The following EDAR variants were observed in gnomAD, a reference collection of about 807,000 sequenced individuals.
The protein encoded by EDAR is ectodysplasin A receptor, also known as tumor necrosis factor receptor superfamily member EDAR.
A neutral mutation model predicts 51.3 loss-of-function variants in EDAR; 38 were observed. The ratio of observed to expected loss-of-function variants is 0.74; its 90% CI spans 0.57 to 0.97. EDAR has a LOEUF of 0.97. Among genes scored for constraint, EDAR ranks in the 50% least tolerant of loss-of-function variants. The pLI is 0.00. For missense variants in EDAR, 528 were observed against 595.0 expected, an observed-to-expected ratio of 0.89 and a Z score of 1.17; for synonymous variants, 227 against 242.1, an observed-to-expected ratio of 0.94 and a Z score of 0.58.
intron 11 of EDAR, among the ~76,000 whole-genome samples, chr2:108,899,210 A>G (rs1042589731): frequency 6.6e-6 from 1 of 152,258 alleles, no homozygotes; most frequent in Non-Finnish European, 1.5e-5. Flanking sequence ...GAAAAGAATT[A>G]GAATGACAGT....
intron 5 of EDAR, among the ~76,000 whole-genome samples, chr2:108,919,884 C>T (rs904281854): frequency 6.6e-5 from 10 of 152,222 alleles, no homozygotes; most frequent in African/African-American, 2.2e-4. Flanking sequence ...CTGGATCTCT[C>T]CGCCTGGAGC....
chr2:108,959,247 G>A (rs1697989126), intron 1 of EDAR, among the ~76,000 whole-genome samples: 1 of 152,226 alleles, frequency 6.6e-6, no homozygotes, highest in Non-Finnish European at 1.5e-5. Flanking sequence ...TGTGCAGAGG[G>A]GCTGATGATG....
intron 5 of EDAR, among the ~76,000 whole-genome samples, chr2:108,913,979 G>T (rs1696981661): frequency 7.0e-6 from 1 of 143,724 alleles, no homozygotes; most frequent in Non-Finnish European, 1.5e-5. Flanking sequence ...CTAGAAAAGG[G>T]GCCGGGCGCG....
At chr2:108,927,394 A>T (rs1005885942) in intron 4 of EDAR, among the ~76,000 whole-genome samples, 2 of 152,152 alleles carry the variant, frequency 1.3e-5, no homozygotes, top group Admixed American at 6.5e-5. Context: ...CATTCGCCTG[A>T]ATTCTTCTAG....
rs1696558137 is a variant in EDAR at position 108,895,153 on chromosome 2, A to T, written c.*1754T>A. 1 of 152,674 alleles carries T rather than the reference A, an allele frequency of 6.5e-6. No individual in the cohort carries two copies. The highest frequency in any genetic ancestry group is 6.5e-5 in the Admixed American group (1 of 15,294). 9.5% of individuals were successfully genotyped at this position (152,674 alleles called of 1,614,324 possible). ...AGGTTCGAAAAACAGCAGCAAACAG[A>T]CACAGTAAATGATGATATTAAATAT... On this transcript the variant is annotated 3_prime_UTR_variant, in exon 12 of 12. Transcript: ENST00000258443.
chr2:108,931,714 G>T (rs952166796), intron 1 of EDAR, among the ~76,000 whole-genome samples: 1 of 151,682 alleles, frequency 6.6e-6, no homozygotes, highest in Non-Finnish European at 1.5e-5. Flanking sequence ...TGAAGGAGGA[G>T]GTGGGTTTTT....
At chr2:108,936,338 C>T (rs1052198073) in intron 1 of EDAR, among the ~76,000 whole-genome samples, 3 of 152,258 alleles carry the variant, frequency 2.0e-5, no homozygotes, top group African/African-American at 7.2e-5. Flanking sequence ...GGGCTTGCCA[C>T]GCCTGGGTTG....
intron 1 of EDAR, among the ~76,000 whole-genome samples, chr2:108,987,720 C>G (rs753015651): frequency 6.6e-6 from 1 of 152,200 alleles, no homozygotes; most frequent in Non-Finnish European, 1.5e-5. Flanking sequence ...AGACCCCCGG[C>G]CAATCGCCAC....
intron 1 of EDAR, among the ~76,000 whole-genome samples, chr2:108,976,359 T>C (rs926540541): frequency 6.6e-6 from 1 of 152,222 alleles, no homozygotes; most frequent in Admixed American, 6.5e-5. Flanking sequence ...ACAGAGGCAA[T>C]GTGCCATTCT....
At chr2:108,932,136 C>A (rs545691979) in intron 1 of EDAR, among the ~76,000 whole-genome samples, 13 of 152,216 alleles carry the variant, frequency 8.5e-5, no homozygotes, top group African/African-American at 2.9e-4. Context: ...TGCACAGGAA[C>A]CTTCCCTCCC....
intron 5 of EDAR, among the ~76,000 whole-genome samples, chr2:108,916,599 G>T (rs971771558): frequency 6.6e-6 from 1 of 152,154 alleles, no homozygotes; most frequent in Non-Finnish European, 1.5e-5. Context: ...CCAACTAAAC[G>T]GTCCCCAACT....
chr2:108,907,754 A>G, intron 10 of EDAR, 106 bp downstream of exon 10: 2 of 1,359,096 alleles, frequency 1.5e-6, no homozygotes. Flanking sequence ...CTTCTGGGAG[A>G]AACACCCCGT....
intron 5 of EDAR, among the ~76,000 whole-genome samples, chr2:108,921,250 C>T (rs1163620698): frequency 3.9e-5 from 6 of 152,066 alleles, no homozygotes. Context: ...CTGGGGAGAC[C>T]CTGACACTGA....
rs77842644 is a variant in EDAR at position 108,958,383 on chromosome 2, C to A, written c.-18-27351G>T. Among the ~76,000 whole-genome samples the A allele has an allele frequency of 7.2e-3, 935 of 129,814 alleles. 12 individuals are homozygous for A. The highest frequency in any genetic ancestry group is 0.033 in the African/African-American group (905 of 27,720). The allele number at this position is 129,814 out of a possible 152,430, so 85.2% of individuals were successfully genotyped here. A position where few individuals can be genotyped will look rare whatever the true frequency, so the allele number is the denominator to read the frequency against. On this transcript the variant is annotated intron_variant, in intron 1 of 11. Coordinates refer to ENST00000258443, the MANE Select transcript of EDAR (RefSeq NM_022336.4). ...GAATTGCTATCACTTTCATTAATAA[C>A]CATGAAATAGTTATTCCTTCAGCAG...
chr2:108,917,761 C>G (rs1051101313), intron 5 of EDAR, among the ~76,000 whole-genome samples: 1 of 152,074 alleles, frequency 6.6e-6, no homozygotes, highest in East Asian at 1.9e-4. Context: ...GCCACTGTCA[C>G]TACACATATA....
At chr2:108,933,849 A>G (rs1574389003) in intron 1 of EDAR, among the ~76,000 whole-genome samples, 1 of 151,878 alleles carries the variant, frequency 6.6e-6, no homozygotes, top group Admixed American at 6.6e-5. Context: ...CCTGAAGGGG[A>G]ACTGATAGGA....
At chr2:108,980,247 C>T (rs909174078) in intron 1 of EDAR, among the ~76,000 whole-genome samples, 12 of 152,082 alleles carry the variant, frequency 7.9e-5, no homozygotes, top group Non-Finnish European at 1.3e-4. Flanking sequence ...TCACTGATTC[C>T]GGACAGTTCT....
In EDAR at chr2:108,923,379, T is replaced by G; in HGVS notation, c.431A>C (p.Asn144Thr). Residue 144 changes from asparagine to threonine, a missense_variant, in exon 5 of 12, where the codon AAC becomes ACC. Asn to Thr is a moderately conservative substitution (Grantham distance 65). Transcript: ENST00000258443. ...VCYSCLLAPP[N>T]TKECVGATSG... ...ACAAAGACACTCACATTCCTTGGTG[T>G]TGGGGGGTGCCAGGAGGCAGGAGTA... 1 of 1,614,148 alleles carries G rather than the reference T, an allele frequency of 6.2e-7. No individual in the cohort carries two copies. Among genetic ancestry groups the G allele is most frequent in the South Asian group, 1.1e-5 (1 of 91,084 alleles).
chr2:108,896,672 T>A lies in EDAR; in HGVS notation c.*235A>T. ...CTGGCTGTATGAGTGAGTAGATATTTACTCTGCCTGGTGAGGTACAGGCGA... is the reference window on the plus strand; with the variant it reads ...CTGGCTGTATGAGTGAGTAGATATTAACTCTGCCTGGTGAGGTACAGGCGA... On this transcript the variant is annotated 3_prime_UTR_variant, in exon 12 of 12. Transcript: ENST00000258443. The A allele has an allele frequency of 1.8e-6, 1 of 554,836 alleles. No individual in the cohort carries two copies. The allele number at this position is 554,836 out of a possible 1,614,324, so 34.4% of individuals were successfully genotyped here.
Sources: gnomAD v4.1 joint callset for allele counts (sites outside exome capture counted in the v4.1 genomes callset) on GRCh38, gnomAD v4.1.1 for gene constraint, MANE v1.5 for transcripts, NCBI Gene and HGNC (gene_info 2026-07-23, HGNC 2026-07-21) for gene names.